TGM3: variants seen among roughly 807,000 people sequenced by gnomAD.
The protein encoded by TGM3 is transglutaminase 3, also known as protein-glutamine gamma-glutamyltransferase E.
TGM3 carries 52 observed loss-of-function variants against 73.8 expected under a neutral mutation model. The ratio of observed to expected loss-of-function variants is 0.70; its 90% confidence interval spans 0.56 to 0.89. The LOEUF (loss-of-function observed/expected upper bound fraction) is 0.89, where lower values mean the gene tolerates loss of function less well. TGM3 is among the 40% of genes least tolerant of loss of function. The pLI, the probability that TGM3 is intolerant of heterozygous loss-of-function variation, is 0.00. For missense variants in TGM3, 928 were observed against 909.9 expected, an observed-to-expected ratio of 1.02 and a Z score of -0.26; for synonymous variants, 372 against 354.9, an observed-to-expected ratio of 1.05 and a Z score of -0.54.
chr20:2,324,149 T>C (rs2084275197), intron 7 of TGM3, among the ~76,000 whole-genome samples: 1 of 152,238 alleles, frequency 6.6e-6, no homozygotes, highest in African/African-American at 2.4e-5. Context: ...TCTATCCTGC[T>C]ATTAAGTTTA....
chr20:2,303,616 C>T (rs2084163334), intron 1 of TGM3, among the ~76,000 whole-genome samples: 2 of 152,074 alleles, frequency 1.3e-5, no homozygotes, highest in African/African-American at 2.4e-5. Flanking sequence ...GTAACTTCTG[C>T]CAAAAGCTTT....
At chr20:2,315,951 C>G (rs188476619) in intron 5 of TGM3, among the ~76,000 whole-genome samples, 1 of 152,348 alleles carries the variant, frequency 6.6e-6, no homozygotes, top group East Asian at 1.9e-4. Flanking sequence ...GTCTGCATCA[C>G]AAGCTTCAGC....
At chr20:2,299,493 C>T (rs923230524) in intron 1 of TGM3, among the ~76,000 whole-genome samples, 1 of 152,170 alleles carries the variant, frequency 6.6e-6, no homozygotes, top group South Asian at 2.1e-4. Flanking sequence ...TCCCCAGGGC[C>T]CACGTGCCAG....
intron 3 of TGM3, among the ~76,000 whole-genome samples, 198 bp from the exon 4 acceptor site, chr20:2,310,813 G>C (rs1221687491): frequency 6.6e-6 from 1 of 152,050 alleles, no homozygotes; most frequent in Non-Finnish European, 1.5e-5. Context: ...CAGACCCTCG[G>C]GTCATCCTAG....
At chr20:2,310,923 C>A in intron 3 of TGM3, 88 bp from the exon 4 acceptor site, 4 of 1,187,120 alleles carry the variant, frequency 3.4e-6, no homozygotes, top group East Asian at 2.3e-5. Context: ...AACCCCCAGG[C>A]CGGTTCAGGA....
chr20:2,326,055 G>A, intron 8 of TGM3, 103 bp downstream of exon 8: 1 of 1,135,424 alleles, frequency 8.8e-7, no homozygotes, highest in East Asian at 2.6e-5. Flanking sequence ...CCTCTGGAAT[G>A]CATGATGGGA....
chr20:2,335,030 C>A, intron 10 of TGM3, 86 bp from the exon 11 acceptor site: 1 of 1,530,812 alleles, frequency 6.5e-7, no homozygotes, highest in Non-Finnish European at 8.9e-7. Context: ...CCAGCTCACC[C>A]TGCCTTGGCT....
intron 7 of TGM3, among the ~76,000 whole-genome samples, chr20:2,318,994 G>A (rs1242189189): frequency 6.6e-6 from 1 of 152,098 alleles, no homozygotes; most frequent in East Asian, 1.9e-4. Context: ...GTTTTACTAG[G>A]GGAGAGAAAG....
intron 5 of TGM3, among the ~76,000 whole-genome samples, chr20:2,315,693 C>A (rs371019475): frequency 4.5e-4 from 69 of 152,364 alleles, no homozygotes; most frequent in African/African-American, 1.6e-3. Context: ...GTTTCATAAA[C>A]CCTGACCCTT....
At chr20:2,311,852 C>G (rs1011758210) in intron 4 of TGM3, among the ~76,000 whole-genome samples, 1 of 151,686 alleles carries the variant, frequency 6.6e-6, no homozygotes, top group Non-Finnish European at 1.5e-5. Context: ...TTAGGGAGGG[C>G]CTCACTTAGA....
chr20:2,302,862 A>G (rs564592116), intron 1 of TGM3, among the ~76,000 whole-genome samples: 9 of 152,222 alleles, frequency 5.9e-5, no homozygotes, highest in Non-Finnish European at 1.0e-4. Context: ...GAATATTCAT[A>G]TAATAGACTC....
At chr20:2,305,017 C>G (rs1190123601) in intron 1 of TGM3, among the ~76,000 whole-genome samples, 1 of 152,202 alleles carries the variant, frequency 6.6e-6, no homozygotes, top group Non-Finnish European at 1.5e-5. Flanking sequence ...GAAAAGATGC[C>G]TGAGACAAGG....
chr20:2,331,521 A>G (rs557416994), intron 9 of TGM3, among the ~76,000 whole-genome samples: 24 of 152,358 alleles, frequency 1.6e-4, no homozygotes, highest in African/African-American at 5.8e-4. Context: ...AAGCACCTTT[A>G]GAAACAAGGC....
chr20:2,311,082 G>T lies in TGM3; in HGVS notation c.493G>T (p.Val165Leu), dbSNP rs1204090658. The T allele has an allele frequency of 3.7e-6, 6 of 1,614,012 alleles. No homozygotes were observed. Among genetic ancestry groups the T allele is most frequent in the Non-Finnish European group, 5.1e-6 (6 of 1,180,024 alleles). ...YVQEDAGIIF[V>L]GSTNRIGMIG... Reference sequence around the variant, plus strand: ...TCAGGAAGATGCCGGCATCATCTTTGTGGGAAGCACAAACCGAATTGGCAT... The same window carrying T: ...TCAGGAAGATGCCGGCATCATCTTTTTGGGAAGCACAAACCGAATTGGCAT... The change falls in exon 4 of 13, where the codon GTG becomes TTG. Residue 165 changes from valine (V) to leucine (L), a missense_variant. Coordinates refer to ENST00000381458, the MANE Select transcript of TGM3 (RefSeq NM_003245.4).
At position 2,314,530 on chromosome 20, in the gene TGM3, T is replaced by TACACACACAC. The variant is rs11473649; in HGVS notation, c.669+1536_669+1545dup. On this transcript the variant is annotated intron_variant, in intron 5 of 12. Transcript: ENST00000381458. ...AACATAGTGAGACCTCATCTACACA[T>TACACACACAC]ACACACACACACACACACACACACA... Among the ~76,000 whole-genome samples the TACACACACAC allele has an allele frequency of 3.9e-3, 530 of 136,764 alleles. 3 individuals carry two copies. The highest frequency in any genetic ancestry group is 0.014 in the African/African-American group (497 of 35,372). 89.7% of individuals were successfully genotyped at this position (136,764 alleles called of 152,430 possible).
intron 7 of TGM3, among the ~76,000 whole-genome samples, chr20:2,322,117 C>T (rs1489390741): frequency 6.6e-6 from 1 of 151,886 alleles, no homozygotes; most frequent in East Asian, 1.9e-4. Context: ...TGAGTTCTAA[C>T]CGATCATGAA....
chr20:2,328,330 G>T lies in TGM3; in HGVS notation c.1298G>T (p.Arg433Leu), dbSNP rs551559240. The T allele has an allele frequency of 5.6e-6, 9 of 1,613,974 alleles. No individual in the cohort carries two copies. The South Asian group carries it at 7.7e-5, about 14-fold the overall frequency. The change falls in exon 9 of 13, where the codon CGC becomes CTC. Residue 433 changes from arginine to leucine, a missense_variant. Coordinates refer to ENST00000381458, the MANE Select transcript of TGM3 (RefSeq NM_003245.4). The surrounding 1 kb of genome is among the most constrained non-coding windows in gnomAD (Gnocchi z 5.2). ...ISTKAVGSNARMDVTDKYKYP... is the reference protein window; with the variant it reads ...ISTKAVGSNALMDVTDKYKYP... ...ACCAAGGCGGTGGGCAGCAATGCTC[G>T]CATGGACGTCACGGACAAGTACAAG...
At chr20:2,301,011 C>G (rs776503143) in intron 1 of TGM3, among the ~76,000 whole-genome samples, 5 of 152,102 alleles carry the variant, frequency 3.3e-5, no homozygotes, top group Non-Finnish European at 7.4e-5. Flanking sequence ...CATTGAGACC[C>G]TTGCTCAGGG....
chr20:2,317,672 G>A (rs1444886780), intron 7 of TGM3, among the ~76,000 whole-genome samples, 187 bp downstream of exon 7: 4 of 151,824 alleles, frequency 2.6e-5, no homozygotes, highest in Non-Finnish European at 4.4e-5. Flanking sequence ...ACCTCTTCTC[G>A]GTGCTCTGCG....
Sources: gnomAD v4.1 joint callset for allele counts (sites outside exome capture counted in the v4.1 genomes callset) on GRCh38, gnomAD v4.1.1 for gene constraint, Gnocchi (gnomAD v3.1) non-coding constraint, MANE v1.5 for transcripts, NCBI Gene and HGNC (gene_info 2026-07-23, HGNC 2026-07-21) for gene names.